ZNF592: variants seen among roughly 807,000 people sequenced by gnomAD.
The protein encoded by ZNF592 is spinocerebellar ataxia, autosomal recessive 5.
A neutral mutation model predicts 80.3 loss-of-function variants in ZNF592; 11 were observed. That is an observed-to-expected ratio of 0.14 (90% CI 0.09 to 0.23). The LOEUF is 0.23. Ranked by LOEUF, ZNF592 falls within the 10% of genes least tolerant of loss-of-function variation. ZNF592 has a pLI of 1.00. For missense variants in ZNF592, 1,420 were observed against 1,633.9 expected (o/e 0.87, Z 2.26); for synonymous variants, 646 against 640.3 (o/e 1.01, Z -0.13).
intron 2 of ZNF592, among the ~76,000 whole-genome samples, chr15:84,770,632 C>T: frequency 6.6e-6 from 1 of 151,854 alleles, no homozygotes; most frequent in African/African-American, 2.4e-5. Context: ...CCTCAGTTCT[C>T]CATGTATAAA....
intron 1 of ZNF592, among the ~76,000 whole-genome samples, chr15:84,749,887 C>T (rs752554728): frequency 1.3e-5 from 2 of 152,230 alleles, no homozygotes; most frequent in African/African-American, 2.4e-5. Flanking sequence ...GGCTTTGATT[C>T]ATTAAATAAA....
At chr15:84,759,960 C>T (rs1324800194) in intron 1 of ZNF592, among the ~76,000 whole-genome samples, 6 of 45,202 alleles carry the variant, frequency 1.3e-4, no homozygotes, top group African/African-American at 2.5e-4. Context: ...AGATTCCCCC[C>T]CCCCCCACCC....
At chr15:84,762,364 G>T (rs145748560) in intron 1 of ZNF592, among the ~76,000 whole-genome samples, 353 of 152,320 alleles carry the variant, frequency 2.3e-3, no homozygotes, top group African/African-American at 7.9e-3. Flanking sequence ...AAATCTCATG[G>T]ATTAAATGGC....
At chr15:84,766,780 C>G (rs1899539445) in intron 2 of ZNF592, among the ~76,000 whole-genome samples, 1 of 148,736 alleles carries the variant, frequency 6.7e-6, no homozygotes, top group African/African-American at 2.5e-5. Flanking sequence ...GGGAGAGAAA[C>G]TTTACCAGCC....
chr15:84,754,504 G>A (rs977403986), intron 1 of ZNF592: 1 of 152,170 alleles, frequency 6.6e-6, no homozygotes, highest in African/African-American at 2.4e-5. Flanking sequence ...TGACGTTGCA[G>A]TGAGCCAAGA....
At chr15:84,796,692 CTTAT>C (rs1376055525) in intron 5 of ZNF592, among the ~76,000 whole-genome samples, 1 of 150,818 alleles carries the variant, frequency 6.6e-6, no homozygotes, top group Non-Finnish European at 1.5e-5. Context: ...AATTGTTTAT[CTTAT>C]TTATGCATTG....
At chr15:84,785,928 T>C (rs979343848) in intron 4 of ZNF592, among the ~76,000 whole-genome samples, 2 of 151,682 alleles carry the variant, frequency 1.3e-5, no homozygotes, top group African/African-American at 2.4e-5. Flanking sequence ...GTCTATGTTA[T>C]GTGTTAGTGG....
At chr15:84,795,189 A>G (rs1054854154) in intron 5 of ZNF592, among the ~76,000 whole-genome samples, 5 of 152,218 alleles carry the variant, frequency 3.3e-5, no homozygotes, top group South Asian at 4.1e-4. Flanking sequence ...AGAATGGCTA[A>G]TGATGTCATA....
rs527903487 is a variant in ZNF592 at position 84,806,433 on chromosome 15, TCTC to T, written c.*4041_*4043del. ...AATTAAAAAGCACACATATTTATAA[TCTC>T]TTCCTCTTACCATTGTAGTTGTTTT... On this transcript the variant is annotated 3_prime_UTR_variant, in exon 11 of 11. Transcript: ENST00000560079. 29 of 152,370 alleles carry T rather than the reference TCTC, an allele frequency of 1.9e-4. No homozygotes were observed. Among genetic ancestry groups the T allele is most frequent in the African/African-American group, 6.3e-4 (26 of 41,584 alleles). 9.4% of individuals were successfully genotyped at this position (152,370 alleles called of 1,614,324 possible).
intron 1 of ZNF592, among the ~76,000 whole-genome samples, chr15:84,754,811 C>T (rs898090042): frequency 2.6e-5 from 4 of 151,878 alleles, no homozygotes; most frequent in East Asian, 1.9e-4. Context: ...GATTGTAGAA[C>T]GACTGCCACT....
At chr15:84,791,955 C>T (rs1201326492) in intron 5 of ZNF592, among the ~76,000 whole-genome samples, 1 of 152,142 alleles carries the variant, frequency 6.6e-6, no homozygotes, top group African/African-American at 2.4e-5. Context: ...TATTTCTTGG[C>T]AGACATTTGG....
intron 1 of ZNF592, among the ~76,000 whole-genome samples, chr15:84,754,963 G>GTTTTTTTTTTT: frequency 9.0e-6 from 1 of 110,676 alleles, no homozygotes; most frequent in Non-Finnish European, 1.8e-5. Flanking sequence ...CCCCTGAGTT[G>GTTTTTTTTTTT]TTTTTTTTTT....
rs1962423316 is a variant in ZNF592 at position 84,781,588 on chromosome 15, CT to C, written c.-19-1066del. Among the ~76,000 whole-genome samples the C allele has an allele frequency of 2.6e-5, 4 of 152,278 alleles. No homozygotes were observed. The South Asian group carries it at 8.3e-4, about 32-fold the overall frequency. On this transcript the variant is annotated intron_variant, in intron 3 of 10. Transcript: ENST00000560079. ...CTGGTTCTATGAAGCTACCATACTG[CT>C]TTCTGAAAGAATTGTGCCAATCTGC...
At position 84,798,778 on chromosome 15, in the gene ZNF592, C is replaced by G; in HGVS notation, c.2927C>G (p.Pro976Arg). The G allele has an allele frequency of 6.2e-7, 1 of 1,604,304 alleles. No individual in the cohort carries two copies. The highest frequency in any genetic ancestry group is 1.1e-5 in the South Asian group (1 of 90,990). Residue 976 changes from proline to arginine, a missense_variant, in exon 8 of 11, where the codon CCG becomes CGG. Physicochemically the swap from Pro to Arg is moderately radical, Grantham distance 103. This residue lies in a region of ZNF592 where 331 missense variants were observed against 347.0 expected (regional missense o/e 0.95). Coordinates refer to ENST00000560079, the MANE Select transcript of ZNF592 (RefSeq NM_014630.3). This position sits in a 1 kb window ranked among gnomAD's most constrained non-coding sequence, Gnocchi z 4.5. ...PEAHRRVEAR[P>R]RLRNTGWTCQ... ...GCCCACCGCAGGGTGGAAGCCAGGC[C>G]GCGGCTGAGGAACACTGGCTGGACC...
chr15:84,774,439 T>A (rs1051109292), intron 2 of ZNF592, among the ~76,000 whole-genome samples: 1 of 152,234 alleles, frequency 6.6e-6, no homozygotes, highest in South Asian at 2.1e-4. Context: ...GTGGTGTGTC[T>A]AATGGCTGGT....
At chr15:84,769,826 T>C (rs1366688786) in intron 2 of ZNF592, among the ~76,000 whole-genome samples, 3 of 152,168 alleles carry the variant, frequency 2.0e-5, no homozygotes, top group Non-Finnish European at 4.4e-5. Flanking sequence ...GTGCAGTGGC[T>C]ATCCTCAGGT....
Position 84,805,840 on chromosome 15 carries a change from C to G in ZNF592, c.*3447C>G, listed in dbSNP as rs768357732. 1 of 152,576 alleles carries G rather than the reference C, an allele frequency of 6.6e-6. No homozygotes were observed. The highest frequency in any genetic ancestry group is 1.5e-5 in the Non-Finnish European group (1 of 68,028). 9.5% of individuals were successfully genotyped at this position (152,576 alleles called of 1,614,324 possible). ...GGTAAGCTTCCCCATGGAGGTCAGC[C>G]TCTAGTCCCCTCTCCAGAGTTAATC... is the stretch of plus-strand genomic sequence containing the variant. On this transcript the variant is annotated 3_prime_UTR_variant, in exon 11 of 11. Coordinates refer to ENST00000560079, the MANE Select transcript of ZNF592 (RefSeq NM_014630.3).
rs1179371785 is a variant in ZNF592, at chr15:84,793,521, A to G, written c.2399+2638A>G. Among the ~76,000 whole-genome samples, 5 of 152,226 alleles carry G rather than the reference A, an allele frequency of 3.3e-5. No individual in the cohort carries two copies. The South Asian group carries it at 6.2e-4, about 19-fold the overall frequency. On this transcript the variant is annotated intron_variant, in intron 5 of 10. Coordinates refer to ENST00000560079, the MANE Select transcript of ZNF592 (RefSeq NM_014630.3). ...GGAATGCCAGACCAAATGAATTGTG[A>G]CTCAGCGAAAGGGATTACTGAAGAT...
chr15:84,770,502 C>T (rs1899667697), intron 2 of ZNF592, among the ~76,000 whole-genome samples: 1 of 152,106 alleles, frequency 6.6e-6, no homozygotes, highest in Non-Finnish European at 1.5e-5. Context: ...GTGGTGCCCA[C>T]AGATGTTTCC....
Sources: gnomAD v4.1 joint callset for allele counts (sites outside exome capture counted in the v4.1 genomes callset) on GRCh38, gnomAD v4.1.1 for gene constraint, gnomAD v4.1.1 regional missense constraint, Gnocchi (gnomAD v3.1) non-coding constraint, MANE v1.5 for transcripts, NCBI Gene and HGNC (gene_info 2026-07-23, HGNC 2026-07-21) for gene names.